The following EPHA6 variants were observed in gnomAD, a reference collection of about 807,000 sequenced individuals.
EPHA6 encodes the protein ephrin type-A receptor 6.
Under a neutral mutation model 112.0 loss-of-function variants are expected in EPHA6, and 50 were observed. That is an observed-to-expected ratio of 0.45 (90% CI 0.36 to 0.56). EPHA6 has a LOEUF of 0.56. EPHA6 is among the 20% of genes least tolerant of loss of function. The pLI is 0.00. For missense variants in EPHA6, 1,280 were observed against 1,417.4 expected (o/e 0.90, Z 1.56); for synonymous variants, 529 against 490.7 (o/e 1.08, Z -1.03).
intron 2 of EPHA6, among the ~76,000 whole-genome samples, chr3:96,907,226 TAAATC>T (rs1332833721): frequency 6.6e-6 from 1 of 151,970 alleles, no homozygotes; most frequent in East Asian, 1.9e-4. Flanking sequence ...ATTATTTCCT[TAAATC>T]TAAGTATTTT....
At chr3:97,298,283 G>T (rs1036879101) in intron 5 of EPHA6, among the ~76,000 whole-genome samples, 1 of 152,060 alleles carries the variant, frequency 6.6e-6, no homozygotes, top group African/African-American at 2.4e-5. Context: ...AAGCTTTCTG[G>T]TTAATTTCCA....
chr3:97,342,522 A>T (rs964117063), intron 5 of EPHA6, among the ~76,000 whole-genome samples: 2 of 152,218 alleles, frequency 1.3e-5, no homozygotes, highest in Non-Finnish European at 2.9e-5. Flanking sequence ...AGGCTTGCAC[A>T]TGATACCTTT....
At chr3:97,523,808 T>G (rs890543682) in intron 10 of EPHA6, among the ~76,000 whole-genome samples, 1 of 151,998 alleles carries the variant, frequency 6.6e-6, no homozygotes, top group African/African-American at 2.4e-5. Context: ...AATGACCTGC[T>G]TTTTCTCTTT....
intron 2 of EPHA6, among the ~76,000 whole-genome samples, chr3:96,889,068 A>C (rs935648465): frequency 6.6e-6 from 1 of 152,138 alleles, no homozygotes; most frequent in Non-Finnish European, 1.5e-5. Context: ...GCTAAAACAT[A>C]ACAAGAATCA....
chr3:97,640,503 C>T (rs199861388), intron 14 of EPHA6, among the ~76,000 whole-genome samples: 11 of 152,102 alleles, frequency 7.2e-5, no homozygotes, highest in South Asian at 2.1e-4. Flanking sequence ...CGGTGGCTCG[C>T]GCCTGTTATC....
intron 3 of EPHA6, among the ~76,000 whole-genome samples, chr3:97,087,534 AG>A (rs2046939720): frequency 6.6e-6 from 1 of 152,216 alleles, no homozygotes. Context: ...CTAGCTAGGC[AG>A]GTGGGTGTTC....
chr3:97,028,986 CAAG>C (rs938481813), intron 3 of EPHA6, among the ~76,000 whole-genome samples: 1 of 150,722 alleles, frequency 6.6e-6, no homozygotes, highest in Non-Finnish European at 1.5e-5. Context: ...CATTTATAAA[CAAG>C]AAGGAAATGA....
At chr3:97,183,168 G>C (rs2077036803) in intron 3 of EPHA6, among the ~76,000 whole-genome samples, 1 of 151,968 alleles carries the variant, frequency 6.6e-6, no homozygotes, top group African/African-American at 2.4e-5. Flanking sequence ...TAATTTTCAT[G>C]TGCCCTAAGT....
At chr3:97,269,043 A>G (rs1033299292) in intron 5 of EPHA6, among the ~76,000 whole-genome samples, 6 of 152,190 alleles carry the variant, frequency 3.9e-5, no homozygotes, top group South Asian at 2.1e-4. Context: ...GCTTTAAATA[A>G]ATGGTTTTGT....
At chr3:97,390,419 TATATG>T (rs971564465) in intron 5 of EPHA6, among the ~76,000 whole-genome samples, 5 of 151,852 alleles carry the variant, frequency 3.3e-5, no homozygotes, top group African/African-American at 1.2e-4. Flanking sequence ...ATCCCATAGA[TATATG>T]ATATGTATAT....
chr3:97,224,780 T>C (rs1004731154), intron 3 of EPHA6, among the ~76,000 whole-genome samples: 1 of 152,142 alleles, frequency 6.6e-6, no homozygotes, highest in African/African-American at 2.4e-5. Context: ...ATATTTTAAA[T>C]ACCACTGCAA....
chr3:97,312,055 C>T (rs906921258), intron 5 of EPHA6, among the ~76,000 whole-genome samples: 7 of 151,548 alleles, frequency 4.6e-5, no homozygotes, highest in African/African-American at 1.4e-4. Context: ...TTGTTTCTAC[C>T]TAATGATTCC....
In EPHA6 at chr3:96,866,842, A is replaced by G; in HGVS notation, c.403A>G (p.Thr135Ala). Residue 135 changes from threonine to alanine, a missense_variant, in exon 2 of 18, where the codon ACA (threonine) becomes GCA (alanine). Physicochemically the swap from Thr to Ala is moderately conservative, Grantham distance 58. Around this residue, in one of 4 missense-constraint regions of EPHA6, gnomAD observed 878 missense variants for 999.7 expected, o/e 0.88. Transcript: ENST00000389672. ...AATTCCAGTTGTGTTGCTTGATACAACAACTGTACTGGGAGAGCTAGGATG... is the reference window on the plus strand; with the variant it reads ...AATTCCAGTTGTGTTGCTTGATACAGCAACTGTACTGGGAGAGCTAGGATG... ...SNNQVVLLDTTTVLGELGWKT... is the reference protein window; with the variant it reads ...SNNQVVLLDTATVLGELGWKT... 2 of 1,482,450 alleles carry G rather than the reference A, an allele frequency of 1.3e-6. No homozygotes were observed. The highest frequency in any genetic ancestry group is 1.8e-6 in the Non-Finnish European group (2 of 1,113,786). 91.8% of individuals were successfully genotyped at this position (1,482,450 alleles called of 1,614,324 possible).
chr3:96,932,915 G>GA (rs2040397792), intron 2 of EPHA6, among the ~76,000 whole-genome samples: 2 of 152,124 alleles, frequency 1.3e-5, no homozygotes, highest in Admixed American at 6.5e-5. Context: ...TGTATGATCT[G>GA]AAAAATTTTT....
intron 5 of EPHA6, among the ~76,000 whole-genome samples, chr3:97,259,352 T>TG (rs1424436631): frequency 6.6e-6 from 1 of 152,170 alleles, no homozygotes; most frequent in Non-Finnish European, 1.5e-5. Context: ...TTATCTTTTT[T>TG]TTTGTTTGTT....
intron 1 of EPHA6, among the ~76,000 whole-genome samples, chr3:96,829,215 A>T (rs933466510): frequency 2.0e-5 from 3 of 152,156 alleles, no homozygotes; most frequent in Admixed American, 2.0e-4. Flanking sequence ...AAGAAATTTG[A>T]TGGGAGTAGA....
chr3:97,195,671 G>T (rs1362543590), intron 3 of EPHA6, among the ~76,000 whole-genome samples: 2 of 151,996 alleles, frequency 1.3e-5, no homozygotes, highest in Non-Finnish European at 2.9e-5. Context: ...AGTAAGACAG[G>T]TCTGGTGTTG....
At chr3:97,296,908 G>A (rs971499697) in intron 5 of EPHA6, among the ~76,000 whole-genome samples, 1 of 152,140 alleles carries the variant, frequency 6.6e-6, no homozygotes, top group African/African-American at 2.4e-5. Flanking sequence ...GTGAACACAG[G>A]GGAATATCAC....
intron 7 of EPHA6, among the ~76,000 whole-genome samples, chr3:97,471,942 C>A (rs1349594393): frequency 6.6e-6 from 1 of 151,760 alleles, no homozygotes; most frequent in South Asian, 2.1e-4. Context: ...TCTTCCTTTT[C>A]TCTTCTTGCT....
Sources: gnomAD v4.1 joint callset for allele counts (sites outside exome capture counted in the v4.1 genomes callset) on GRCh38, gnomAD v4.1.1 for gene constraint, gnomAD v4.1.1 regional missense constraint, MANE v1.5 for transcripts, NCBI Gene and HGNC (gene_info 2026-07-23, HGNC 2026-07-21) for gene names.